TNS3: variants seen among roughly 807,000 people sequenced by gnomAD.
The protein encoded by TNS3 is tensin-3.
A neutral mutation model predicts 140.9 loss-of-function variants in TNS3; 45 were observed. That is an observed-to-expected ratio of 0.32 (90% CI 0.25 to 0.41). The LOEUF (loss-of-function observed/expected upper bound fraction) is 0.41, where lower values mean the gene tolerates loss of function less well. Ranked by LOEUF, TNS3 falls within the 10% of genes least tolerant of loss-of-function variation. The probability of loss-of-function intolerance (pLI) is 1.00; values close to 1 mark genes in which losing one functional copy is unlikely to be tolerated. For synonymous variants in TNS3, 815 were observed against 788.4 expected (o/e 1.03, Z -0.56); for missense variants, 1,716 against 1,906.7 (o/e 0.90, Z 1.86).
Position 47,297,155 on chromosome 7 carries a change from G to A in TNS3, c.3603C>T (p.Ser1201=). 1.2e-6 allele frequency: 2 copies of A among 1,613,912 alleles called. No individual in the cohort carries two copies. The highest frequency in any genetic ancestry group is 1.7e-6 in the Non-Finnish European group (2 of 1,179,992). The change falls in exon 24 of 31, where the codon TCC becomes TCT. Residue 1201 remains serine, a synonymous_variant. Transcript: ENST00000311160. ...TGGCCAGGCCATAGGCCCCTCGGAA[G>A]GAATGGCTGTCTCGAACAATGAATG... ...PGSFIVRDSH[S]FRGAYGLAMK...
chr7:47,450,870 C>T lies in TNS3; in HGVS notation c.-75-8815G>A, dbSNP rs541502965. Reference sequence around the variant, plus strand: ...AGAAGCCCTTGGCAGGGCATGGTGGCTCACACCTGTAATCCCAGCACTTTG... The same window carrying T: ...AGAAGCCCTTGGCAGGGCATGGTGGTTCACACCTGTAATCCCAGCACTTTG... On this transcript the variant is annotated intron_variant, in intron 4 of 30. Transcript: ENST00000311160. Among the ~76,000 whole-genome samples, 7 of 152,378 alleles carry T rather than the reference C, an allele frequency of 4.6e-5. No individual in the cohort carries two copies. In the South Asian group the frequency reaches 1.4e-3, roughly 32 times the overall value.
At position 47,411,923 on chromosome 7, in the gene TNS3, C is replaced by T. The variant is rs954513857; in HGVS notation, c.648-121G>A. The T allele has an allele frequency of 1.1e-5, 10 of 878,810 alleles. No homozygotes were observed. The Admixed American group carries it at 2.3e-4, about 20-fold the overall frequency. 54.4% of individuals were successfully genotyped at this position (878,810 alleles called of 1,614,324 possible). On this transcript the variant is annotated intron_variant, in intron 12 of 30. Transcript: ENST00000311160. ...GAAATTACACAGAATGCCCAATCAG[C>T]CCAGAATCTAATTCCTGAGAATCTA...
intron 10 of TNS3, among the ~76,000 whole-genome samples, chr7:47,417,465 G>C (rs950012256): frequency 2.0e-5 from 3 of 152,266 alleles, no homozygotes; most frequent in African/African-American, 7.2e-5. Flanking sequence ...GTAGTGGTCA[G>C]AGGGGAAGGG....
At chr7:47,383,436 G>A (rs930167840) in intron 16 of TNS3, among the ~76,000 whole-genome samples, 2 of 152,166 alleles carry the variant, frequency 1.3e-5, no homozygotes, top group Non-Finnish European at 2.9e-5. Flanking sequence ...CTTCTTTTGG[G>A]GTGATGAAGA....
At chr7:47,350,155 G>T (rs1789579393) in intron 17 of TNS3, among the ~76,000 whole-genome samples, 1 of 152,166 alleles carries the variant, frequency 6.6e-6, no homozygotes, top group African/African-American at 2.4e-5. Context: ...GGCAGACAGG[G>T]GCCCCATGAG....
intron 23 of TNS3, among the ~76,000 whole-genome samples, chr7:47,299,996 T>C (rs1786297089): frequency 6.6e-6 from 1 of 152,226 alleles, no homozygotes; most frequent in South Asian, 2.1e-4. Flanking sequence ...GTACTTAATT[T>C]TGATTTTACT....
At chr7:47,518,252 G>A (rs760240869) in intron 2 of TNS3, among the ~76,000 whole-genome samples, 4 of 152,270 alleles carry the variant, frequency 2.6e-5, no homozygotes, top group South Asian at 2.1e-4. Context: ...GCTCCCATTC[G>A]AGACAGAGCA....
rs61738736 is a variant in TNS3, at chr7:47,435,336, C to T, written c.270G>A (p.Ala90=). 50 of 1,614,126 alleles carry T rather than the reference C, an allele frequency of 3.1e-5. No individual in the cohort carries two copies. In the African/African-American group the frequency reaches 3.5e-4, roughly 11 times the overall value. Residue 90 remains alanine (A), a synonymous_variant, in exon 8 of 31, where the codon GCG becomes GCA. Transcript: ENST00000311160. The part of the protein sequence containing the change: ...PLDKMCTICK[A]QESWLNSNLQ... ...GGTTGCTGTTCAGCCAGGACTCCTG[C>T]GCCTTGCATATGGTACACATCTTAT... is the stretch of plus-strand genomic sequence containing the variant.
intron 4 of TNS3, among the ~76,000 whole-genome samples, chr7:47,457,192 A>C (rs1584703371): frequency 1.3e-5 from 1 of 79,396 alleles, no homozygotes; most frequent in African/African-American, 5.1e-5. Flanking sequence ...AGGGGAGGGG[A>C]GGGGAGAGGC....
intron 26 of TNS3, 144 bp downstream of exon 26, chr7:47,292,684 C>T (rs1481892915): frequency 1.6e-6 from 1 of 624,914 alleles, no homozygotes; most frequent in Non-Finnish European, 2.7e-6. Context: ...AACTCATTGG[C>T]CTTTTCTTGG....
intron 1 of TNS3, among the ~76,000 whole-genome samples, chr7:47,562,574 T>G (rs1242183202): frequency 6.6e-6 from 1 of 152,082 alleles, no homozygotes; most frequent in Non-Finnish European, 1.5e-5. Context: ...TTAGTAGAGA[T>G]GAGGTTTCAT....
intron 4 of TNS3, among the ~76,000 whole-genome samples, chr7:47,449,378 C>T (rs1052648663): frequency 1.9e-4 from 29 of 152,310 alleles, no homozygotes; most frequent in South Asian, 6.2e-4. Context: ...CATGTGCCTC[C>T]CTCACTCCCT....
chr7:47,475,261 C>T (rs1489480631), intron 4 of TNS3, among the ~76,000 whole-genome samples: 1 of 152,264 alleles, frequency 6.6e-6, no homozygotes, highest in Non-Finnish European at 1.5e-5. Flanking sequence ...AGCCCACTGG[C>T]CTCGGGTGAG....
chr7:47,375,476 A>G (rs973488762), intron 16 of TNS3, among the ~76,000 whole-genome samples: 3 of 152,248 alleles, frequency 2.0e-5, no homozygotes, highest in Admixed American at 2.0e-4. Flanking sequence ...AATACAGAGC[A>G]TACATTCTTG....
At chr7:47,395,232 C>T (rs777660852) in intron 16 of TNS3, among the ~76,000 whole-genome samples, 2 of 151,322 alleles carry the variant, frequency 1.3e-5, no homozygotes, top group African/African-American at 2.5e-5. Flanking sequence ...TGCTCACTGG[C>T]TCCCATGCAG....
At chr7:47,441,127 A>G (rs1795444178) in intron 5 of TNS3, among the ~76,000 whole-genome samples, 1 of 152,180 alleles carries the variant, frequency 6.6e-6, no homozygotes, top group Admixed American at 6.5e-5. Flanking sequence ...ATCACACCTC[A>G]AAAAGAAATA....
chr7:47,369,567 T>G lies in TNS3; in HGVS notation c.1079A>C (p.Lys360Thr), dbSNP rs758611590. The change falls in exon 17 of 31, where the codon AAA becomes ACA. Residue 360 changes from lysine to threonine, a missense_variant. This residue lies in a region of TNS3 where 1,163 missense variants were observed against 1,182.1 expected (regional missense o/e 0.98). Coordinates refer to ENST00000311160, the MANE Select transcript of TNS3 (RefSeq NM_022748.12). Reference protein sequence around the residue: ...DGSLYAKVRKKSSSDPGIPGG... With the variant: ...DGSLYAKVRKTSSSDPGIPGG... ...TGGGATGCCAGGATCCGAGGAGCTTTTCTTCCTCACCTTCGCGTAAAGGCT... is the reference window on the plus strand; with the variant it reads ...TGGGATGCCAGGATCCGAGGAGCTTGTCTTCCTCACCTTCGCGTAAAGGCT... The G allele has an allele frequency of 6.2e-7, 1 of 1,610,718 alleles. No homozygotes were observed. The highest frequency in any genetic ancestry group is 1.7e-5 in the Admixed American group (1 of 59,706).
At chr7:47,281,686 C>G (rs1785152523) in intron 28 of TNS3, among the ~76,000 whole-genome samples, 1 of 152,158 alleles carries the variant, frequency 6.6e-6, no homozygotes, top group Non-Finnish European at 1.5e-5. Context: ...TGGACATGAC[C>G]CATCTCCAGG....
chr7:47,469,972 T>G (rs1371285377), intron 4 of TNS3, among the ~76,000 whole-genome samples: 3 of 8,942 alleles, frequency 3.4e-4, no homozygotes, highest in Admixed American at 3.1e-3. Context: ...AAACTCTGTC[T>G]CAAAAAAAAA....
Sources: gnomAD v4.1 joint callset for allele counts (sites outside exome capture counted in the v4.1 genomes callset) on GRCh38, gnomAD v4.1.1 for gene constraint, gnomAD v4.1.1 regional missense constraint, MANE v1.5 for transcripts, NCBI Gene and HGNC (gene_info 2026-07-23, HGNC 2026-07-21) for gene names.